Variants in SNTG1 observed in about 807,000 individuals in gnomAD.
SNTG1 encodes syntrophin gamma 1.
SNTG1 carries 39 observed loss-of-function variants against 74.7 expected under a neutral mutation model. The observed-to-expected ratio is 0.52, with a 90% CI of 0.40 to 0.68. The LOEUF (loss-of-function observed/expected upper bound fraction) is 0.68. Ranked by LOEUF, SNTG1 falls within the 30% of genes least tolerant of loss-of-function variation. SNTG1 has a pLI of 0.00. For missense variants in SNTG1, 685 were observed against 609.5 expected (o/e 1.12, Z -1.30); for synonymous variants, 254 against 217.1 (o/e 1.17, Z -1.49).
chr8:50,132,532 C>T (rs1432287503), intron 1 of SNTG1, among the ~76,000 whole-genome samples: 1 of 152,084 alleles, frequency 6.6e-6, no homozygotes, highest in Non-Finnish European at 1.5e-5. Flanking sequence ...AAAAGAATTA[C>T]AGGTCCCAGG....
intron 17 of SNTG1, among the ~76,000 whole-genome samples, chr8:50,716,311 G>A (rs2095474920): frequency 6.6e-6 from 1 of 151,924 alleles, no homozygotes; most frequent in Non-Finnish European, 1.5e-5. Flanking sequence ...ATTCTTTCTT[G>A]AAATGTCTCC....
At chr8:50,660,103 G>A (rs1427928866) in intron 15 of SNTG1, among the ~76,000 whole-genome samples, 2 of 152,126 alleles carry the variant, frequency 1.3e-5, no homozygotes, top group Middle Eastern at 6.8e-3. Flanking sequence ...GCCTCCCAAA[G>A]TGTTAGGATT....
At chr8:50,762,564 T>C (rs1022993476) in intron 18 of SNTG1, 2 of 375,320 alleles carry the variant, frequency 5.3e-6, no homozygotes, top group African/African-American at 2.1e-5. Flanking sequence ...ATCATTTTTG[T>C]TCCAAGGATG....
Position 50,017,127 on chromosome 8 carries a change from A to G in SNTG1, c.-103+104896A>G, listed in dbSNP as rs540683189. ...ACAGTATATGGTTTCTCAAATACAA[A>G]CTAAGAAATAAAGAACACCAGGAAA... On this transcript the variant is annotated intron_variant, in intron 1 of 18. Transcript: ENST00000642720. Among the ~76,000 whole-genome samples, 19 of 152,238 alleles carry G rather than the reference A, an allele frequency of 1.2e-4. No homozygotes were observed. The South Asian group carries it at 3.3e-3, about 27-fold the overall frequency.
chr8:50,323,799 C>A (rs1267761815), intron 2 of SNTG1, among the ~76,000 whole-genome samples: 1 of 152,110 alleles, frequency 6.6e-6, no homozygotes, highest in South Asian at 2.1e-4. Context: ...GGCAAGATCC[C>A]CAGTCCCTGA....
chr8:50,501,097 G>T (rs1033978519), intron 8 of SNTG1, among the ~76,000 whole-genome samples: 3 of 152,186 alleles, frequency 2.0e-5, no homozygotes, highest in Non-Finnish European at 4.4e-5. Flanking sequence ...TAGCACTTCT[G>T]CTGGCTTCCC....
chr8:50,321,894 A>G (rs2090545444), intron 2 of SNTG1, among the ~76,000 whole-genome samples: 1 of 152,054 alleles, frequency 6.6e-6, no homozygotes, highest in Non-Finnish European at 1.5e-5. Flanking sequence ...TTTACTGTCT[A>G]TGTCTTAAAA....
chr8:50,345,944 T>C (rs1330213815), intron 2 of SNTG1, among the ~76,000 whole-genome samples: 2 of 152,226 alleles, frequency 1.3e-5, no homozygotes, highest in African/African-American at 2.4e-5. Flanking sequence ...CCAAATCTAA[T>C]AGTGTTTAAT....
At chr8:50,347,817 T>C (rs2091526279) in intron 2 of SNTG1, among the ~76,000 whole-genome samples, 1 of 152,218 alleles carries the variant, frequency 6.6e-6, no homozygotes, top group Non-Finnish European at 1.5e-5. Flanking sequence ...TTCAATTGCA[T>C]GGGTAAGACA....
At chr8:50,282,922 T>G (rs2088558603) in intron 2 of SNTG1, among the ~76,000 whole-genome samples, 1 of 152,206 alleles carries the variant, frequency 6.6e-6, no homozygotes. Flanking sequence ...ATTATTGAAC[T>G]CATGCAAATA....
chr8:49,922,133 G>A (rs1387967468), intron 1 of SNTG1, among the ~76,000 whole-genome samples: 5 of 152,012 alleles, frequency 3.3e-5, no homozygotes, highest in South Asian at 2.1e-4. Flanking sequence ...ATCTCACTGC[G>A]GCTCAATGAC....
chr8:50,495,463 C>A (rs1025180904), intron 8 of SNTG1, among the ~76,000 whole-genome samples: 2 of 130,058 alleles, frequency 1.5e-5, no homozygotes, highest in African/African-American at 2.7e-5. Flanking sequence ...ATGTCAAATT[C>A]TTTTTTTTTT....
chr8:50,512,436 G>A (rs1247518635), intron 9 of SNTG1, among the ~76,000 whole-genome samples: 1 of 152,088 alleles, frequency 6.6e-6, no homozygotes. Flanking sequence ...GGTGTTCTCT[G>A]TATTTCCTGA....
At chr8:50,045,959 A>G (rs1333838917) in intron 1 of SNTG1, among the ~76,000 whole-genome samples, 1 of 152,202 alleles carries the variant, frequency 6.6e-6, no homozygotes, top group Non-Finnish European at 1.5e-5. Flanking sequence ...TTTTCTTTAA[A>G]TGGCCAAAGA....
chr8:50,303,511 G>T (rs372622749), intron 2 of SNTG1, among the ~76,000 whole-genome samples: 2 of 151,626 alleles, frequency 1.3e-5, no homozygotes, highest in East Asian at 3.9e-4. Flanking sequence ...TTTTGCATTG[G>T]AATACATAAA....
intron 2 of SNTG1, among the ~76,000 whole-genome samples, chr8:50,303,911 G>A (rs2089763029): frequency 6.8e-6 from 1 of 147,866 alleles, no homozygotes; most frequent in South Asian, 2.2e-4. Context: ...TTGCCAAGCT[G>A]CTTTCTTCTA....
rs972421288 is a variant in SNTG1, at chr8:50,122,080, C to A, written c.-102-50481C>A. ...CAGCACCATGTCCAACCCTCGATGCCCCCTGCCTTGGTTTAGGGACCCCCA... is the reference window on the plus strand; with the variant it reads ...CAGCACCATGTCCAACCCTCGATGCACCCTGCCTTGGTTTAGGGACCCCCA... On this transcript the variant is annotated intron_variant, in intron 1 of 18. Transcript: ENST00000642720. 1.4e-5 allele frequency among the ~76,000 whole-genome samples: 2 copies of A among 140,592 alleles called. 1 individual carries two copies. The highest frequency in any genetic ancestry group is 3.2e-5 in the Non-Finnish European group (2 of 63,388). 92.2% of individuals were successfully genotyped at this position (140,592 alleles called of 152,430 possible).
At chr8:50,194,624 T>C (rs902499354) in intron 2 of SNTG1, among the ~76,000 whole-genome samples, 2 of 152,144 alleles carry the variant, frequency 1.3e-5, no homozygotes, top group African/African-American at 4.8e-5. Flanking sequence ...ACCAGCTTTT[T>C]GTTTCATTTA....
chr8:50,462,863 C>G (rs111414734), intron 8 of SNTG1, among the ~76,000 whole-genome samples: 4,267 of 114,250 alleles, frequency 0.037, 225 homozygotes, highest in African/African-American at 0.13. Flanking sequence ...TGTTGCCAGG[C>G]TGGAGTGCAA....
Sources: allele counts gnomAD v4.1 joint callset (sites outside exome capture counted in the v4.1 genomes callset), GRCh38; gene constraint gnomAD v4.1.1; transcripts MANE v1.5; gene names NCBI Gene and HGNC (gene_info 2026-07-23, HGNC 2026-07-21).